Variants in PRORP observed in about 807,000 individuals in gnomAD.
The protein encoded by PRORP is mitochondrial ribonuclease P catalytic subunit.
PRORP carries 51 observed loss-of-function variants against 59.4 expected under a neutral mutation model. The ratio of observed to expected loss-of-function variants is 0.86; its 90% CI spans 0.69 to 1.08. The LOEUF is 1.08. Among genes scored for constraint, PRORP ranks in the 50% least tolerant of loss-of-function variants. The probability of loss-of-function intolerance (pLI) is 0.00; values close to 1 mark genes in which losing one functional copy is unlikely to be tolerated. For missense variants in PRORP, 646 were observed against 690.3 expected (o/e 0.94, Z 0.72); for synonymous variants, 231 against 245.6 (o/e 0.94, Z 0.55).
At chr14:35,232,428 T>C (rs2050105645) in intron 5 of PRORP, among the ~76,000 whole-genome samples, 1 of 151,950 alleles carries the variant, frequency 6.6e-6, no homozygotes, top group Non-Finnish European at 1.5e-5. Context: ...CCCAGGTTAG[T>C]TTCTAACTCC....
chr14:35,271,390 C>T (rs1329556483), intron 7 of PRORP, among the ~76,000 whole-genome samples: 3 of 151,970 alleles, frequency 2.0e-5, no homozygotes, highest in African/African-American at 7.2e-5. Flanking sequence ...AACTCCTGAG[C>T]TCATAATCCA....
At chr14:35,257,530 T>C in intron 5 of PRORP, among the ~76,000 whole-genome samples, 1 of 152,260 alleles carries the variant, frequency 6.6e-6, no homozygotes, top group Non-Finnish European at 1.5e-5. Context: ...AGAATTTCAT[T>C]CCTGTTTAAG....
At chr14:35,218,465 AAG>A (rs1160160206) in intron 5 of PRORP, among the ~76,000 whole-genome samples, 7 of 144,116 alleles carry the variant, frequency 4.9e-5, no homozygotes, top group East Asian at 2.0e-4. Flanking sequence ...TGTCTAAAAA[AAG>A]AAAAAAAAAA....
intron 4 of PRORP, among the ~76,000 whole-genome samples, chr14:35,133,114 G>A (rs1349272802): frequency 6.6e-6 from 1 of 151,998 alleles, no homozygotes; most frequent in Non-Finnish European, 1.5e-5. Context: ...TAGAGATGGG[G>A]TTTCACCATG....
chr14:35,153,401 C>T (rs967113188), intron 4 of PRORP, among the ~76,000 whole-genome samples: 3 of 63,300 alleles, frequency 4.7e-5, no homozygotes, highest in Non-Finnish European at 8.1e-5. Context: ...AGAGGGAGAC[C>T]GTGGGGAGAG....
intron 5 of PRORP, among the ~76,000 whole-genome samples, chr14:35,183,650 A>G (rs1369526581): frequency 1.3e-5 from 2 of 152,136 alleles, no homozygotes; most frequent in Non-Finnish European, 2.9e-5. Flanking sequence ...CTCACTATAT[A>G]TTGCCAAATT....
intron 5 of PRORP, among the ~76,000 whole-genome samples, chr14:35,244,885 T>C (rs1454027346): frequency 6.6e-6 from 1 of 152,168 alleles, no homozygotes; most frequent in African/African-American, 2.4e-5. Flanking sequence ...TTGTTTAGGA[T>C]TGAAAAACTG....
At chr14:35,152,090 T>C (rs1156693310) in intron 4 of PRORP, among the ~76,000 whole-genome samples, 10 of 152,192 alleles carry the variant, frequency 6.6e-5, no homozygotes, top group Non-Finnish European at 1.3e-4. Context: ...CCCTCCGCAG[T>C]GTCTGTGTCC....
chr14:35,223,464 T>C (rs957814819), intron 5 of PRORP, among the ~76,000 whole-genome samples: 3 of 146,432 alleles, frequency 2.0e-5, no homozygotes, highest in African/African-American at 7.6e-5. Flanking sequence ...AACTTTTTTT[T>C]TTTTTTTTTT....
At chr14:35,142,550 G>A (rs2047507345) in intron 4 of PRORP, among the ~76,000 whole-genome samples, 1 of 142,392 alleles carries the variant, frequency 7.0e-6, no homozygotes, top group African/African-American at 2.5e-5. Flanking sequence ...TTTAGATAGG[G>A]TAGAGATGGC....
rs556866639 is a variant in PRORP, at chr14:35,145,487, C to T, written c.1167+17876C>T. 7.8e-4 allele frequency among the ~76,000 whole-genome samples: 112 copies of T among 142,854 alleles called. 17 individuals are homozygous for T. The highest frequency in any genetic ancestry group is 1.2e-3 in the Non-Finnish European group (79 of 64,592). The allele number at this position is 142,854 out of a possible 152,430, so 93.7% of individuals were successfully genotyped here. A position where few individuals can be genotyped will look rare whatever the true frequency, so the allele number is the denominator to read the frequency against. On this transcript the variant is annotated intron_variant, in intron 4 of 7. Transcript: ENST00000534898. ...CTGTAATCTCAGCACTTTGGGAGGC[C>T]GAGGCAGGCAGATCATAAGGTCAAG...
chr14:35,198,984 T>A (rs896996423), intron 5 of PRORP, among the ~76,000 whole-genome samples: 2 of 152,144 alleles, frequency 1.3e-5, no homozygotes, highest in Non-Finnish European at 2.9e-5. Context: ...CTGACCAACA[T>A]GGCGAAACCC....
intron 3 of PRORP, 71 bp downstream of exon 3, chr14:35,126,853 A>C: frequency 1.8e-6 from 2 of 1,114,576 alleles, no homozygotes; most frequent in Non-Finnish European, 2.7e-6. Flanking sequence ...TAATTGAAAA[A>C]TATTTAAGAA....
chr14:35,187,412 A>G (rs2048766695), intron 5 of PRORP, among the ~76,000 whole-genome samples: 1 of 144,218 alleles, frequency 6.9e-6, no homozygotes, highest in South Asian at 2.2e-4. Context: ...AGGACCTGGT[A>G]TATTGTAGTT....
At chr14:35,169,177 A>G (rs2048256049) in intron 4 of PRORP, among the ~76,000 whole-genome samples, 1 of 151,430 alleles carries the variant, frequency 6.6e-6, no homozygotes. Flanking sequence ...TGTAATTTTT[A>G]TTATCACTTA....
chr14:35,235,684 G>T (rs1032392541), intron 5 of PRORP: 3 of 362,994 alleles, frequency 8.3e-6, no homozygotes, highest in African/African-American at 4.2e-5. Flanking sequence ...ACCTTCTGTA[G>T]ACCAAGCAAA....
chr14:35,271,574 C>T (rs1476209028), intron 7 of PRORP, among the ~76,000 whole-genome samples: 1 of 152,112 alleles, frequency 6.6e-6, no homozygotes, highest in African/African-American at 2.4e-5. Flanking sequence ...CTGTTTAATT[C>T]ATTTCTATGA....
chr14:35,210,144 C>T (rs1241438601), intron 5 of PRORP, among the ~76,000 whole-genome samples: 2 of 152,046 alleles, frequency 1.3e-5, no homozygotes, highest in East Asian at 1.9e-4. Flanking sequence ...CACATACTCA[C>T]AAATGGAAAA....
intron 5 of PRORP, among the ~76,000 whole-genome samples, chr14:35,213,857 T>C (rs1239570340): frequency 6.6e-6 from 1 of 152,200 alleles, no homozygotes; most frequent in Admixed American, 6.5e-5. Context: ...TTGGAAATAT[T>C]GTGAGAAGTA....
Sources: gnomAD v4.1 joint callset for allele counts (sites outside exome capture counted in the v4.1 genomes callset) on GRCh38, gnomAD v4.1.1 for gene constraint, MANE v1.5 for transcripts, NCBI Gene and HGNC (gene_info 2026-07-23, HGNC 2026-07-21) for gene names.